The following STAG2 variants were observed in gnomAD, a reference collection of about 807,000 sequenced individuals.
STAG2 encodes STAG2 cohesin complex component, also known as cohesin subunit SA-2.
STAG2 carries 14 observed loss-of-function variants against 108.1 expected under a neutral mutation model. That is an observed-to-expected ratio of 0.13 (90% CI 0.09 to 0.20). The LOEUF is 0.20. STAG2 is among the 10% of genes least tolerant of loss of function. The pLI, the probability that STAG2 is intolerant of heterozygous loss-of-function variation, is 1.00. For synonymous variants in STAG2, 307 were observed against 302.7 expected, an observed-to-expected ratio of 1.01 and a Z score of -0.15; for missense variants, 440 against 940.9, an observed-to-expected ratio of 0.47 and a Z score of 6.96.
chrX:123,983,974 C>CTTTTCTTTTTTTTTTTTTTT (rs1168788249), intron 1 of STAG2, among the ~76,000 whole-genome samples: 5 of 61,478 alleles, frequency 8.1e-5, no homozygotes, highest in African/African-American at 4.6e-4. Flanking sequence ...CTTTTCTTTT[C>CTTTTCTTTTTTTTTTTTTTT]TTTTTTTTTT....
At chrX:124,068,475 A>G (rs1340965854) in intron 23 of STAG2, 89 bp from the exon 24 acceptor site, 1 of 526,452 alleles carries the variant, frequency 1.9e-6, no homozygotes, top group African/African-American at 2.5e-5. Flanking sequence ...AAGCTATGAG[A>G]TAATGTTTTA....
At chrX:123,983,532 A>C (rs1267734134) in intron 1 of STAG2, among the ~76,000 whole-genome samples, 2 of 111,488 alleles carry the variant, frequency 1.8e-5, no homozygotes, top group Non-Finnish European at 3.8e-5. Flanking sequence ...TGAAGCCTAT[A>C]GTGAAATGAG....
At position 124,100,935 on chromosome X, in the gene STAG2, T is replaced by C. The variant is rs1016718531; in HGVS notation, c.*338T>C. ...TCTGAAGAGGCATTTGGTACAGATA[T>C]GAATTCTCTTACATTTATTTACTGG... is the stretch of plus-strand genomic sequence containing the variant. On this transcript the variant is annotated 3_prime_UTR_variant, in exon 35 of 35. Transcript: ENST00000371145. 12 of 184,243 alleles carry C rather than the reference T, an allele frequency of 6.5e-5. No homozygotes were observed. In the Admixed American group the frequency reaches 6.8e-4, roughly 11 times the overall value. The allele number at this position is 184,243 out of a possible 1,213,427, so 15.2% of individuals were successfully genotyped here.
chrX:124,031,765 C>G (rs1294295419), intron 5 of STAG2, among the ~76,000 whole-genome samples: 2 of 104,253 alleles, frequency 1.9e-5, no homozygotes, highest in Non-Finnish European at 3.9e-5. Flanking sequence ...GAGTCTCACT[C>G]TATTGCCCAG....
chrX:124,024,353 A>G (rs904168791), intron 3 of STAG2, among the ~76,000 whole-genome samples: 5 of 111,341 alleles, frequency 4.5e-5, no homozygotes, highest in African/African-American at 1.6e-4. Flanking sequence ...TTACTTATAC[A>G]TCAAGATATT....
intron 14 of STAG2, among the ~76,000 whole-genome samples, chrX:124,057,419 A>C (rs1484856642): frequency 8.9e-6 from 1 of 111,962 alleles, no homozygotes; most frequent in Non-Finnish European, 1.9e-5. Flanking sequence ...TATGAGGAAA[A>C]ATGCTCATGC....
Position 124,090,612 on chromosome X carries a change from C to G in STAG2, c.3315C>G (p.Ser1105Arg). The G allele has an allele frequency of 8.3e-7, 1 of 1,209,970 alleles. No individual in the cohort carries two copies. Among genetic ancestry groups the G allele is most frequent in the Non-Finnish European group, 1.1e-6 (1 of 894,675 alleles). The change falls in exon 31 of 35, where the codon AGC becomes AGG. Residue 1105 changes from serine to arginine, a missense_variant. Around this residue, in one of 3 missense-constraint regions of STAG2, gnomAD observed 337 missense variants for 649.3 expected, o/e 0.52. Coordinates refer to ENST00000371145, the MANE Select transcript of STAG2 (RefSeq NM_001042750.2). ...GTAGTAGTGACAGTATGTGGTTAAGCAGAGAACAAACACTGCACACCCCTG... is the reference window on the plus strand; with the variant it reads ...GTAGTAGTGACAGTATGTGGTTAAGGAGAGAACAAACACTGCACACCCCTG... ...ESSSSDSMWL[S>R]REQTLHTPVM...
chrX:123,970,375 A>G (rs931696760), intron 1 of STAG2, among the ~76,000 whole-genome samples: 3 of 111,414 alleles, frequency 2.7e-5, no homozygotes, highest in Non-Finnish European at 5.6e-5. Flanking sequence ...GACTTCAGGA[A>G]TAGTCACTGA....
In STAG2 at chrX:124,090,634, C is replaced by A; in HGVS notation, c.3337C>A (p.Pro1113Thr). 1 of 1,210,674 alleles carries A rather than the reference C, an allele frequency of 8.3e-7. No homozygotes were observed. Residue 1113 changes from proline (P) to threonine (T), a missense_variant, in exon 31 of 35, where the codon CCT becomes ACT. Around this residue, in one of 3 missense-constraint regions of STAG2, gnomAD observed 337 missense variants for 649.3 expected, o/e 0.52. Transcript: ENST00000371145. Reference protein sequence around the residue: ...WLSREQTLHTPVMMQTPQLTS... With the variant: ...WLSREQTLHTTVMMQTPQLTS... Reference sequence around the variant, plus strand: ...AAGCAGAGAACAAACACTGCACACCCCTGTTATGATGCAGACACCACAACT... The same window carrying A: ...AAGCAGAGAACAAACACTGCACACCACTGTTATGATGCAGACACCACAACT...
chrX:124,007,034 T>C (rs1021770596), intron 1 of STAG2, among the ~76,000 whole-genome samples: 1 of 110,581 alleles, frequency 9.0e-6, no homozygotes, highest in African/African-American at 3.3e-5. Context: ...ATAGTCTTGC[T>C]CTGTCACCTA....
intron 14 of STAG2, among the ~76,000 whole-genome samples, 165 bp from the exon 15 acceptor site, chrX:124,057,701 T>TA: frequency 8.9e-6 from 1 of 112,183 alleles, no homozygotes; most frequent in East Asian, 2.8e-4. Context: ...AAAAGGTTTA[T>TA]AGCAATTATT....
intron 3 of STAG2, among the ~76,000 whole-genome samples, chrX:124,023,447 A>AT (rs1317044337): frequency 1.8e-5 from 2 of 111,478 alleles, no homozygotes; most frequent in Non-Finnish European, 3.8e-5. Context: ...TCATATGTAG[A>AT]TTTTCATATT....
In STAG2 at chrX:124,063,875, C is replaced by A. The variant is rs749851312; in HGVS notation, c.1849C>A (p.Arg617=). The change falls in exon 20 of 35, where the codon CGG becomes AGG. Residue 617 remains arginine (R), a synonymous_variant. Coordinates refer to ENST00000371145, the MANE Select transcript of STAG2 (RefSeq NM_001042750.2). ...KHLDALLRQI[R]NIVEKHTDTD... The stretch of plus-strand genomic sequence containing the variant: ...TTTGGATGCCTTATTGCGACAGATC[C>A]GGAATATTGTAGAGAAGCACACAGA... 8.3e-7 allele frequency: 1 copy of A among 1,209,778 alleles called. No individual in the cohort carries two copies. Among genetic ancestry groups the A allele is most frequent in the Non-Finnish European group, 1.1e-6 (1 of 894,419 alleles).
At chrX:124,064,327 G>A (rs1379962190) in intron 20 of STAG2, among the ~76,000 whole-genome samples, 2 of 111,304 alleles carry the variant, frequency 1.8e-5, no homozygotes, top group Non-Finnish European at 3.8e-5. Flanking sequence ...AACCAGGGCT[G>A]TTAAGGAATA....
intron 5 of STAG2, among the ~76,000 whole-genome samples, chrX:124,036,354 T>C (rs147113733): frequency 1.2e-3 from 135 of 112,097 alleles, no homozygotes; most frequent in African/African-American, 4.0e-3. Flanking sequence ...TTTAATTTGC[T>C]CTATTTAAAA....
At chrX:124,014,648 A>G (rs1186130260) in intron 1 of STAG2, among the ~76,000 whole-genome samples, 1 of 111,825 alleles carries the variant, frequency 8.9e-6, no homozygotes, top group African/African-American at 3.3e-5. Flanking sequence ...GGCCTGAGCT[A>G]CTGCACCCGG....
At chrX:124,078,566 T>C (rs2058860517) in intron 27 of STAG2, among the ~76,000 whole-genome samples, 1 of 111,589 alleles carries the variant, frequency 9.0e-6, no homozygotes, top group Non-Finnish European at 1.9e-5. Context: ...TCACAAAATA[T>C]ATTAACAGTG....
intron 1 of STAG2, among the ~76,000 whole-genome samples, chrX:123,969,858 G>C (rs2054269764): frequency 9.2e-6 from 1 of 108,465 alleles, no homozygotes; most frequent in Admixed American, 1.0e-4. Context: ...TGTTGGCCAG[G>C]CTGGTCTCGA....
intron 4 of STAG2, among the ~76,000 whole-genome samples, chrX:124,027,454 A>G (rs1030474922): frequency 2.7e-5 from 3 of 110,784 alleles, no homozygotes; most frequent in African/African-American, 9.8e-5. Flanking sequence ...TTAGAAAACC[A>G]TTTTTTTTCC....
Sources: gnomAD v4.1 joint callset for allele counts (sites outside exome capture counted in the v4.1 genomes callset) on GRCh38, gnomAD v4.1.1 for gene constraint, gnomAD v4.1.1 regional missense constraint, MANE v1.5 for transcripts, NCBI Gene and HGNC (gene_info 2026-07-23, HGNC 2026-07-21) for gene names.